NME8: variants seen among roughly 807,000 people sequenced by gnomAD.
The protein encoded by NME8 is NME/NM23 family member 8.
A neutral mutation model predicts 82.3 loss-of-function variants in NME8; 72 were observed. The ratio of observed to expected loss-of-function variants is 0.87; its 90% CI spans 0.72 to 1.06. NME8 has a LOEUF of 1.06. Ranked by LOEUF, NME8 falls within the 50% of genes least tolerant of loss-of-function variation. NME8 has a pLI of 0.00. For missense variants in NME8, 712 were observed against 685.4 expected (o/e 1.04, Z -0.43); for synonymous variants, 267 against 228.5 (o/e 1.17, Z -1.52).
intron 5 of NME8, among the ~76,000 whole-genome samples, chr7:37,851,849 A>C (rs1023716672): frequency 6.6e-6 from 1 of 152,134 alleles, no homozygotes; most frequent in Non-Finnish European, 1.5e-5. Flanking sequence ...ATGCAACCAC[A>C]ACCCACTCAT....
chr7:37,897,959 A>G (rs997157374), intron 17 of NME8, among the ~76,000 whole-genome samples: 20 of 152,200 alleles, frequency 1.3e-4, no homozygotes, highest in Non-Finnish European at 5.9e-5. Flanking sequence ...TGCAATAAAC[A>G]TATGTGTGCA....
chr7:37,880,636 T>G (rs1447430688), intron 12 of NME8, among the ~76,000 whole-genome samples: 2 of 152,212 alleles, frequency 1.3e-5, no homozygotes, highest in Non-Finnish European at 2.9e-5. Flanking sequence ...CCTTTTCATA[T>G]AAACTTGAGA....
At chr7:37,870,364 G>T (rs1784749662) in intron 11 of NME8, among the ~76,000 whole-genome samples, 1 of 152,012 alleles carries the variant, frequency 6.6e-6, no homozygotes, top group Non-Finnish European at 1.5e-5. Context: ...GCCGAGACAG[G>T]CAGATCATGA....
At chr7:37,874,452 T>C (rs1784817493) in intron 11 of NME8, among the ~76,000 whole-genome samples, 1 of 152,136 alleles carries the variant, frequency 6.6e-6, no homozygotes, top group Non-Finnish European at 1.5e-5. Flanking sequence ...AGATAGTGTG[T>C]CAGAATGCAA....
intron 5 of NME8, among the ~76,000 whole-genome samples, chr7:37,851,573 C>A (rs2131938467): frequency 6.6e-6 from 1 of 152,100 alleles, no homozygotes; most frequent in South Asian, 2.1e-4. Context: ...GTGAAATATG[C>A]CATCAATAAT....
At chr7:37,872,833 A>G (rs1244447572) in intron 11 of NME8, among the ~76,000 whole-genome samples, 1 of 152,184 alleles carries the variant, frequency 6.6e-6, no homozygotes, top group Non-Finnish European at 1.5e-5. Context: ...TTGTCTGCCA[A>G]TTGCAAGGGC....
rs769797120 is a variant in NME8, at chr7:37,850,250, C to T, written c.-7-10C>T. 6.2e-7 allele frequency: 1 copy of T among 1,611,128 alleles called. No homozygotes were observed. The highest frequency in any genetic ancestry group is 1.1e-5 in the South Asian group (1 of 90,976). On this transcript the variant is annotated splice_polypyrimidine_tract_variant and intron_variant, in intron 2 of 17. Coordinates refer to ENST00000199447, the MANE Select transcript of NME8 (RefSeq NM_016616.5). ...TACTTAAAAATTTTTCTTTCTTTTTCCTATGATAGTAGATAAATGGCAAGC... is the reference window on the plus strand; with the variant it reads ...TACTTAAAAATTTTTCTTTCTTTTTTCTATGATAGTAGATAAATGGCAAGC...
At chr7:37,897,434 A>G (rs1208413636) in intron 17 of NME8, among the ~76,000 whole-genome samples, 1 of 152,140 alleles carries the variant, frequency 6.6e-6, no homozygotes, top group South Asian at 2.1e-4. Flanking sequence ...ACCATGATAT[A>G]AAAAGCCTCA....
chr7:37,879,442 G>A (rs183197403), intron 12 of NME8, among the ~76,000 whole-genome samples: 24 of 152,224 alleles, frequency 1.6e-4, no homozygotes, highest in Non-Finnish European at 2.5e-4. Context: ...CACCACACCC[G>A]GCCAGTAGAT....
Position 37,891,145 on chromosome 7 carries a change from A to C in NME8, c.1399+2717A>C, listed in dbSNP as rs188448070. On this transcript the variant is annotated intron_variant, in intron 15 of 17. Coordinates refer to ENST00000199447, the MANE Select transcript of NME8 (RefSeq NM_016616.5). ...TTTTTGGGGTTTTTGTTTGTTTGCT[A>C]TTGAGTTTAGTTCCTTATATATGCT... Among the ~76,000 whole-genome samples, 5 of 151,910 alleles carry C rather than the reference A, an allele frequency of 3.3e-5. No individual in the cohort carries two copies. The East Asian group carries it at 9.7e-4, about 29-fold the overall frequency.
At chr7:37,862,276 C>T in intron 7 of NME8, 132 bp downstream of exon 7, 1 of 706,660 alleles carries the variant, frequency 1.4e-6, no homozygotes, top group African/African-American at 1.8e-5. Flanking sequence ...TAAAAAAGTA[C>T]ATTACCTTTT....
At chr7:37,884,119 A>T (rs1785005618) in intron 12 of NME8, among the ~76,000 whole-genome samples, 184 bp from the exon 13 acceptor site, 1 of 152,220 alleles carries the variant, frequency 6.6e-6, no homozygotes, top group African/African-American at 2.4e-5. Flanking sequence ...AAATAGCATC[A>T]TAATGAGATG....
At position 37,864,302 on chromosome 7, in the gene NME8, C is replaced by T. The variant is rs3816418; in HGVS notation, c.455-46C>T. 0.74 allele frequency: 1,146,319 copies of T among 1,555,418 alleles called. 424,419 individuals are homozygous for T. Among genetic ancestry groups the T allele is most frequent in the African/African-American group, 0.88 (64,880 of 73,826 alleles). ...GCCAGATCCTTCATTATCCAGACTT[C>T]GTGCCAAGAAAATGAAATTCTGTCT... On this transcript the variant is annotated intron_variant, in intron 8 of 17. Transcript: ENST00000199447.
chr7:37,896,226 T>C (rs1298112513), intron 16 of NME8, among the ~76,000 whole-genome samples: 6 of 152,228 alleles, frequency 3.9e-5, no homozygotes, highest in Non-Finnish European at 7.3e-5. Flanking sequence ...GACTGTACCA[T>C]GACAGCTTAG....
chr7:37,862,408 G>A (rs1348818154), intron 7 of NME8, among the ~76,000 whole-genome samples: 1 of 152,116 alleles, frequency 6.6e-6, no homozygotes, highest in East Asian at 1.9e-4. Flanking sequence ...ACATAAAAAT[G>A]AAACCTTTCG....
chr7:37,866,551 C>T lies in NME8; in HGVS notation c.621+934C>T, dbSNP rs59776338. Reference sequence around the variant, plus strand: ...CAGAAATATGTGTTTTAACAAGCCCCGTAGATGACTTGGAAACATCCTAAA... The same window carrying T: ...CAGAAATATGTGTTTTAACAAGCCCTGTAGATGACTTGGAAACATCCTAAA... On this transcript the variant is annotated intron_variant, in intron 10 of 17. Coordinates refer to ENST00000199447, the MANE Select transcript of NME8 (RefSeq NM_016616.5). Among the ~76,000 whole-genome samples the T allele has an allele frequency of 1.4e-4, 22 of 152,276 alleles. No homozygotes were observed. In the East Asian group the frequency reaches 3.1e-3, roughly 21 times the overall value.
At chr7:37,871,261 G>A (rs1051655278) in intron 11 of NME8, among the ~76,000 whole-genome samples, 12 of 152,138 alleles carry the variant, frequency 7.9e-5, no homozygotes, top group Admixed American at 2.0e-4. Flanking sequence ...CCATGCCATC[G>A]ATGGTCTGCC....
At chr7:37,881,601 G>A (rs775921279) in intron 12 of NME8, among the ~76,000 whole-genome samples, 2 of 151,986 alleles carry the variant, frequency 1.3e-5, no homozygotes, top group Non-Finnish European at 2.9e-5. Flanking sequence ...GAGAGCTATT[G>A]GTCTTTAGTT....
At chr7:37,849,421 T>A (rs1001973455) in intron 2 of NME8, among the ~76,000 whole-genome samples, 2 of 152,156 alleles carry the variant, frequency 1.3e-5, no homozygotes, top group African/African-American at 4.8e-5. Flanking sequence ...TTACCTTGCT[T>A]CAGGACTGTT....
Sources: allele counts gnomAD v4.1 joint callset (sites outside exome capture counted in the v4.1 genomes callset), GRCh38; gene constraint gnomAD v4.1.1; transcripts MANE v1.5; gene names NCBI Gene and HGNC (gene_info 2026-07-23, HGNC 2026-07-21).